The following FRMPD4 variants were observed in gnomAD, a reference collection of about 807,000 sequenced individuals.
The protein encoded by FRMPD4 is FERM and PDZ domain-containing protein 4.
In FRMPD4, 22 loss-of-function variants were observed where a neutral mutation model predicts 94.1. The observed-to-expected ratio is 0.23, with a 90% confidence interval of 0.17 to 0.33. The LOEUF (loss-of-function observed/expected upper bound fraction) is 0.33, where lower values mean the gene tolerates loss of function less well. FRMPD4 is among the 10% of genes least tolerant of loss of function. The probability of loss-of-function intolerance (pLI) is 1.00; values close to 1 mark genes in which losing one functional copy is unlikely to be tolerated. For synonymous variants in FRMPD4, 631 were observed against 548.6 expected (o/e 1.15, Z -2.10); for missense variants, 1,111 against 1,339.9 (o/e 0.83, Z 2.67).
At chrX:11,895,684 G>A (rs1285914236) in intron 3 of FRMPD4, among the ~76,000 whole-genome samples, 3 of 111,678 alleles carry the variant, frequency 2.7e-5, no homozygotes, top group Non-Finnish European at 3.8e-5. Flanking sequence ...GTGAAGGTTC[G>A]TTTACATTAT....
intron 1 of FRMPD4, among the ~76,000 whole-genome samples, chrX:12,461,187 T>A (rs1392369038): frequency 8.9e-6 from 1 of 112,138 alleles, no homozygotes; most frequent in Non-Finnish European, 1.9e-5. Context: ...CTAGTCACCA[T>A]GATGTGCAGA....
intron 3 of FRMPD4, among the ~76,000 whole-genome samples, chrX:11,919,960 T>G: frequency 8.9e-6 from 1 of 112,327 alleles, no homozygotes; most frequent in East Asian, 2.8e-4. Flanking sequence ...TATTTATTAG[T>G]GAGTAAATCT....
intron 1 of FRMPD4, among the ~76,000 whole-genome samples, chrX:12,309,036 GA>G (rs2054989234): frequency 1.8e-5 from 2 of 112,498 alleles, no homozygotes; most frequent in Admixed American, 1.9e-4. Context: ...AAGGACTACG[GA>G]GTAAATATGT....
chrX:12,709,266 AG>A (rs1158748940), intron 13 of FRMPD4, among the ~76,000 whole-genome samples: 1 of 111,311 alleles, frequency 9.0e-6, no homozygotes, highest in Non-Finnish European at 1.9e-5. Flanking sequence ...GAATCCGCCC[AG>A]TGTCCTATAC....
At chrX:12,063,689 G>A (rs767040985) in intron 3 of FRMPD4, among the ~76,000 whole-genome samples, 7 of 112,045 alleles carry the variant, frequency 6.2e-5, no homozygotes, top group South Asian at 3.7e-4. Flanking sequence ...GGAGTTTGGG[G>A]CTAAAGTGAG....
At chrX:12,628,960 G>C (rs1304254144) in intron 4 of FRMPD4, among the ~76,000 whole-genome samples, 1 of 111,810 alleles carries the variant, frequency 8.9e-6, no homozygotes, top group Non-Finnish European at 1.9e-5. Flanking sequence ...TTACATAGTG[G>C]CACAAGGGAG....
At chrX:12,236,259 C>G (rs754912451) in intron 1 of FRMPD4, among the ~76,000 whole-genome samples, 2 of 111,801 alleles carry the variant, frequency 1.8e-5, no homozygotes, top group African/African-American at 3.3e-5. Context: ...TCAAACCATA[C>G]AGTGTTATCT....
At chrX:12,144,644 T>C (rs1388645141) in intron 1 of FRMPD4, among the ~76,000 whole-genome samples, 5 of 110,640 alleles carry the variant, frequency 4.5e-5, no homozygotes, top group Non-Finnish European at 7.6e-5. Context: ...ACAATTACCA[T>C]GTCAGTACTT....
intron 1 of FRMPD4, among the ~76,000 whole-genome samples, chrX:11,831,451 G>A: frequency 9.0e-6 from 1 of 111,608 alleles, no homozygotes; most frequent in Non-Finnish European, 1.9e-5. Flanking sequence ...AGTTGGAAAT[G>A]CATGAACAGG....
At chrX:11,908,667 C>T (rs1027436911) in intron 3 of FRMPD4, among the ~76,000 whole-genome samples, 6 of 111,702 alleles carry the variant, frequency 5.4e-5, no homozygotes, top group Non-Finnish European at 1.1e-4. Context: ...TGTATGTGAT[C>T]ATTTCCAGGC....
intron 3 of FRMPD4, among the ~76,000 whole-genome samples, chrX:12,083,428 A>G (rs770926635): frequency 1.8e-5 from 2 of 113,137 alleles, no homozygotes; most frequent in African/African-American, 6.4e-5. Flanking sequence ...ATGCCCAGGC[A>G]AAAGTTTGCT....
chrX:12,465,110 A>T (rs888124359), intron 1 of FRMPD4, among the ~76,000 whole-genome samples: 1 of 110,757 alleles, frequency 9.0e-6, no homozygotes, highest in African/African-American at 3.3e-5. Flanking sequence ...TATGGACAGC[A>T]TTTTTTTTCA....
intron 3 of FRMPD4, among the ~76,000 whole-genome samples, chrX:11,903,770 C>G (rs901935465): frequency 1.8e-5 from 2 of 111,113 alleles, no homozygotes; most frequent in East Asian, 5.6e-4. Flanking sequence ...TCTAATATGT[C>G]CTGCTGGGAT....
intron 3 of FRMPD4, among the ~76,000 whole-genome samples, chrX:12,124,662 T>C (rs1195407559): frequency 3.6e-5 from 4 of 112,339 alleles, no homozygotes; most frequent in African/African-American, 6.5e-5. Context: ...TTATAGATTT[T>C]ATTAAAAATC....
chrX:11,982,613 G>A (rs754614191), intron 3 of FRMPD4, among the ~76,000 whole-genome samples: 12 of 111,020 alleles, frequency 1.1e-4, no homozygotes, highest in Middle Eastern at 9.2e-3. Context: ...TCTTTGTCCC[G>A]TGGACTGTAT....
chrX:12,003,386 AGTGTGTGTGTGT>A (rs34756228), intron 3 of FRMPD4, among the ~76,000 whole-genome samples: 5 of 102,184 alleles, frequency 4.9e-5, no homozygotes, highest in East Asian at 3.1e-4. Context: ...CAGTTTGGCA[AGTGTGTGTGTGT>A]GTGTGTGTGT....
intron 1 of FRMPD4, among the ~76,000 whole-genome samples, chrX:12,430,043 C>A (rs1195444176): frequency 2.7e-5 from 3 of 111,845 alleles, no homozygotes; most frequent in Non-Finnish European, 5.6e-5. Context: ...AAAATAATTT[C>A]TTTTATAAAT....
intron 1 of FRMPD4, among the ~76,000 whole-genome samples, chrX:12,279,926 C>T (rs2054498218): frequency 9.0e-6 from 1 of 111,367 alleles, no homozygotes; most frequent in Non-Finnish European, 1.9e-5. Context: ...CTGACTCCTA[C>T]CAGCAGATGA....
chrX:11,924,707 C>G (rs1224700737), intron 3 of FRMPD4, among the ~76,000 whole-genome samples: 3 of 111,729 alleles, frequency 2.7e-5, no homozygotes, highest in Non-Finnish European at 5.7e-5. Flanking sequence ...CAAGAAAATG[C>G]TGAGGGAATT....
Sources: gnomAD v4.1 joint callset for allele counts (sites outside exome capture counted in the v4.1 genomes callset) on GRCh38, gnomAD v4.1.1 for gene constraint, MANE v1.5 for transcripts, NCBI Gene and HGNC (gene_info 2026-07-23, HGNC 2026-07-21) for gene names.